The following TMEM202 variants were observed in gnomAD, a reference collection of about 807,000 sequenced individuals.
TMEM202 encodes the protein transmembrane protein 202.
In TMEM202, 25 loss-of-function variants were observed where a neutral mutation model predicts 26.1. That is an observed-to-expected ratio of 0.96 (90% CI 0.70 to 1.34). TMEM202 has a LOEUF of 1.34. Ranked by LOEUF, TMEM202 falls within the 40% of genes most tolerant of loss-of-function variation. The probability of loss-of-function intolerance (pLI) is 0.00; values close to 1 mark genes in which losing one functional copy is unlikely to be tolerated. For missense variants in TMEM202, 301 were observed against 327.7 expected (o/e 0.92, Z 0.63); for synonymous variants, 122 against 119.0 (o/e 1.02, Z -0.16).
At chr15:72,403,100 G>A (rs1384001703) in intron 2 of TMEM202, among the ~76,000 whole-genome samples, 1 of 152,176 alleles carries the variant, frequency 6.6e-6, no homozygotes, top group African/African-American at 2.4e-5. Context: ...TTCCACAACA[G>A]TAGAAGGAGA....
chr15:72,398,661 C>G lies in TMEM202; in HGVS notation c.90C>G (p.Val30=), dbSNP rs1385717783. The part of the protein sequence containing the change: ...KGNRKYQRPT[V]PAKKHPSASM... ...TTCCCTCATCCTTGTAGCCTACCGT[C>G]CCTGCCAAGAAACATCCAAGTGCCT... is the stretch of plus-strand genomic sequence containing the variant. The change falls in exon 2 of 5, where the codon GTC becomes GTG. Residue 30 remains valine (V), a synonymous_variant. Coordinates refer to ENST00000341689, the MANE Select transcript of TMEM202 (RefSeq NM_001080462.3). 1 of 1,613,974 alleles carries G rather than the reference C, an allele frequency of 6.2e-7. No individual in the cohort carries two copies. Among genetic ancestry groups the G allele is most frequent in the East Asian group, 2.2e-5 (1 of 44,884 alleles).
rs1389314973 is a variant in TMEM202, at chr15:72,406,713, A to C, written c.449A>C (p.Asn150Thr). The C allele has an allele frequency of 6.2e-7, 1 of 1,614,068 alleles. No homozygotes were observed. The highest frequency in any genetic ancestry group is 8.5e-7 in the Non-Finnish European group (1 of 1,179,998). ...WILNRGSMTT[N>T]LDLKVSMLSF... is the part of the protein sequence containing the mutation. ...CTTAATCGAGGAAGCATGACCACCA[A>C]CTTGGATCTGAAGGTATCCATGCTC... The change falls in exon 3 of 5, where the codon AAC (asparagine) becomes ACC (threonine). Residue 150 changes from asparagine to threonine, a missense_variant. Physicochemically the swap from Asn to Thr is moderately conservative, Grantham distance 65 (BLOSUM62 0). Coordinates refer to ENST00000341689, the MANE Select transcript of TMEM202 (RefSeq NM_001080462.3).
At position 72,398,877 on chromosome 15, in the gene TMEM202, G is replaced by A. The variant is rs569903094; in HGVS notation, c.306G>A (p.Glu102=). 8.1e-6 allele frequency: 13 copies of A among 1,612,434 alleles called. No individual in the cohort carries two copies. The highest frequency in any genetic ancestry group is 3.5e-4 in the Middle Eastern group (2 of 5,694). The change falls in exon 2 of 5, where the codon GAG becomes GAA. Residue 102 remains glutamate, a synonymous_variant. Coordinates refer to ENST00000341689, the MANE Select transcript of TMEM202 (RefSeq NM_001080462.3). ...YAGLWTLCNH[E]LCWSHTPKPP... ...GACTCTGGACCTTATGCAACCATGAGCTGTGCTGGAGCCACACACCCAAGC... is the reference window on the plus strand; with the variant it reads ...GACTCTGGACCTTATGCAACCATGAACTGTGCTGGAGCCACACACCCAAGC...
intron 2 of TMEM202, 27 bp from the exon 3 acceptor site, chr15:72,406,575 G>C (rs749992695): frequency 5.6e-6 from 9 of 1,609,378 alleles, no homozygotes; most frequent in Non-Finnish European, 6.8e-6. Flanking sequence ...GACTAACCAC[G>C]GTCTTCCTTT....
At chr15:72,401,735 A>C (rs1430609263) in intron 2 of TMEM202, among the ~76,000 whole-genome samples, 1 of 152,152 alleles carries the variant, frequency 6.6e-6, no homozygotes, top group Non-Finnish European at 1.5e-5. Flanking sequence ...TTATCTCTAC[A>C]GACTGTAATT....
rs35916586 is a variant in TMEM202, at chr15:72,407,728, G to C, written c.657G>C (p.Ser219=). ...TTCTCAACTACTTAACTTCCAGATC[G>C]CCTGCCTGTGATGAAAACGTCACTG... ...ISLLNYLTSR[S]PACDENVTVI... Residue 219 remains serine (S), a synonymous_variant, in exon 5 of 5, where the codon TCG becomes TCC. Coordinates refer to ENST00000341689, the MANE Select transcript of TMEM202 (RefSeq NM_001080462.3). 2.5e-6 allele frequency: 4 copies of C among 1,613,700 alleles called. No individual in the cohort carries two copies. In the African/African-American group the frequency reaches 5.3e-5, roughly 22 times the overall value.
At chr15:72,406,441 C>A (rs1396381365) in intron 2 of TMEM202, among the ~76,000 whole-genome samples, 161 bp from the exon 3 acceptor site, 1 of 152,102 alleles carries the variant, frequency 6.6e-6, no homozygotes, top group African/African-American at 2.4e-5. Flanking sequence ...TTTAGTTTAA[C>A]AATCATAGTA....
At chr15:72,400,094 C>T (rs562169780) in intron 2 of TMEM202, among the ~76,000 whole-genome samples, 8 of 152,086 alleles carry the variant, frequency 5.3e-5, no homozygotes, top group South Asian at 2.1e-4. Flanking sequence ...CTGCATAAAA[C>T]GAAAACTAGA....
rs751915310 is a variant in TMEM202, at chr15:72,398,314, A to T, written c.-13A>T. 1.9e-6 allele frequency: 3 copies of T among 1,607,544 alleles called. No homozygotes were observed. The highest frequency in any genetic ancestry group is 2.6e-6 in the Non-Finnish European group (3 of 1,175,986). On this transcript the variant is annotated 5_prime_UTR_variant, in exon 1 of 5. Coordinates refer to ENST00000341689, the MANE Select transcript of TMEM202 (RefSeq NM_001080462.3). ...AGACAAATTCCGTGGCAGTTAGAGA[A>T]CTAACTGCCAAGATGGAGCGAAGGG...
Position 72,398,848 on chromosome 15 carries a change from G to T in TMEM202, c.277G>T (p.Ala93Ser), listed in dbSNP as rs771316290. Residue 93 changes from alanine to serine, a missense_variant, in exon 2 of 5, where the codon GCA becomes TCA. Physicochemically the swap from Ala to Ser is moderately conservative, Grantham distance 99. Coordinates refer to ENST00000341689, the MANE Select transcript of TMEM202 (RefSeq NM_001080462.3). Reference sequence around the variant, plus strand: ...GATCAAGAATGGCCTTGAGCTCTACGCAGGACTCTGGACCTTATGCAACCA... The same window carrying T: ...GATCAAGAATGGCCTTGAGCTCTACTCAGGACTCTGGACCTTATGCAACCA... ...LVIKNGLELYAGLWTLCNHEL... is the reference protein window; with the variant it reads ...LVIKNGLELYSGLWTLCNHEL... The T allele has an allele frequency of 3.7e-6, 6 of 1,614,040 alleles. No individual in the cohort carries two copies. The highest frequency in any genetic ancestry group is 5.1e-6 in the Non-Finnish European group (6 of 1,180,016).
intron 3 of TMEM202, 47 bp downstream of exon 3, chr15:72,406,798 AG>A (rs1567317416): frequency 6.3e-7 from 1 of 1,591,908 alleles, no homozygotes; most frequent in South Asian, 1.1e-5. Flanking sequence ...AAAATAGTCA[AG>A]GTAACAAATT....
At chr15:72,399,690 T>C (rs370018992) in intron 2 of TMEM202, among the ~76,000 whole-genome samples, 3 of 152,246 alleles carry the variant, frequency 2.0e-5, no homozygotes, top group Admixed American at 6.5e-5. Context: ...TCAAATTTTA[T>C]GTGAATTTAA....
intron 2 of TMEM202, among the ~76,000 whole-genome samples, chr15:72,405,373 C>A (rs1010350763): frequency 7.2e-5 from 11 of 152,146 alleles, no homozygotes; most frequent in Admixed American, 7.2e-4. Context: ...TATAAGTTAT[C>A]TTCTAAATCT....
intron 2 of TMEM202, among the ~76,000 whole-genome samples, chr15:72,403,541 C>T (rs889869366): frequency 2.0e-5 from 3 of 152,028 alleles, no homozygotes; most frequent in East Asian, 1.9e-4. Context: ...CTCCTTTTTC[C>T]GGACCAAGGC....
rs140026568 is a variant in TMEM202 at position 72,407,791 on chromosome 15, G to C, written c.720G>C (p.Pro240=). The C allele has an allele frequency of 6.2e-7, 1 of 1,614,000 alleles. No individual in the cohort carries two copies. The highest frequency in any genetic ancestry group is 2.2e-5 in the East Asian group (1 of 44,816). The change falls in exon 5 of 5, where the codon CCG becomes CCC. Residue 240 remains proline, a synonymous_variant. Coordinates refer to ENST00000341689, the MANE Select transcript of TMEM202 (RefSeq NM_001080462.3). Reference sequence around the variant, plus strand: ...AGAGATCAAGGCTGGGGGTTGGTCCGGTGACTACAGTATCACCTGCTAAAG... The same window carrying C: ...AGAGATCAAGGCTGGGGGTTGGTCCCGTGACTACAGTATCACCTGCTAAAG... ...PTERSRLGVG[P]VTTVSPAKDE...
intron 2 of TMEM202, among the ~76,000 whole-genome samples, chr15:72,404,184 T>C (rs12900465): frequency 0.021 from 3,214 of 152,114 alleles, 64 homozygotes; most frequent in East Asian, 0.081. Flanking sequence ...GAGTCTGAGG[T>C]GGGCAGATCG....
chr15:72,401,831 T>C (rs1231904609), intron 2 of TMEM202, among the ~76,000 whole-genome samples: 2 of 152,196 alleles, frequency 1.3e-5, no homozygotes, highest in African/African-American at 4.8e-5. Context: ...TAACTAGCTC[T>C]AATTCAAGAG....
intron 2 of TMEM202, among the ~76,000 whole-genome samples, chr15:72,402,953 G>C (rs1190651582): frequency 6.6e-6 from 1 of 152,172 alleles, no homozygotes; most frequent in Admixed American, 6.5e-5. Context: ...TGGAGAAGTT[G>C]TATGTTGCCT....
At position 72,406,687 on chromosome 15, in the gene TMEM202, C is replaced by A; in HGVS notation, c.423C>A (p.Ile141=). The change falls in exon 3 of 5, where the codon ATC becomes ATA. Residue 141 remains isoleucine (I), a synonymous_variant. Transcript: ENST00000341689. ...TTGGCTGGCTCTTCAGCTCTTGGAT[C>A]CTTAATCGAGGAAGCATGACCACCA... ...TGLGWLFSSW[I]LNRGSMTTNL... The A allele has an allele frequency of 5.0e-6, 8 of 1,614,086 alleles. No homozygotes were observed. Among genetic ancestry groups the A allele is most frequent in the Non-Finnish European group, 6.8e-6 (8 of 1,179,994 alleles).
Sources: allele counts gnomAD v4.1 joint callset (sites outside exome capture counted in the v4.1 genomes callset), GRCh38; gene constraint gnomAD v4.1.1; transcripts MANE v1.5; gene names NCBI Gene and HGNC (gene_info 2026-07-23, HGNC 2026-07-21).